The following MEGF11 variants were observed in gnomAD, a reference collection of about 807,000 sequenced individuals.
MEGF11 encodes the protein multiple EGF like domains 11.
In MEGF11, 126 loss-of-function variants were observed where a neutral mutation model predicts 146.6. The observed-to-expected ratio is 0.86, with a 90% CI of 0.74 to 1.00. The LOEUF is 1.00. Ranked by LOEUF, MEGF11 falls within the 50% of genes least tolerant of loss-of-function variation. The pLI, the probability that MEGF11 is intolerant of heterozygous loss-of-function variation, is 0.00. For missense variants in MEGF11, 1,509 were observed against 1,521.2 expected, an observed-to-expected ratio of 0.99 and a Z score of 0.13; for synonymous variants, 532 against 583.4, an observed-to-expected ratio of 0.91 and a Z score of 1.27.
At chr15:65,907,326 G>A (rs1040778745) in intron 23 of MEGF11, among the ~76,000 whole-genome samples, 4 of 151,398 alleles carry the variant, frequency 2.6e-5, no homozygotes, top group Admixed American at 2.0e-4. Context: ...ATGGAGTCTC[G>A]CTGTGTCACC....
intron 4 of MEGF11, among the ~76,000 whole-genome samples, chr15:66,096,423 G>A (rs923361003): frequency 3.3e-5 from 5 of 152,246 alleles, no homozygotes; most frequent in Admixed American, 2.0e-4. Flanking sequence ...TGGCCCCTTG[G>A]GCAGTGTGTG....
chr15:65,912,697 A>G (rs1016023552), intron 20 of MEGF11, among the ~76,000 whole-genome samples: 4 of 152,210 alleles, frequency 2.6e-5, no homozygotes, highest in African/African-American at 9.6e-5. Flanking sequence ...GTATAGTCAT[A>G]GAAGAAAATC....
At chr15:66,185,232 C>T (rs1237936200) in intron 1 of MEGF11, among the ~76,000 whole-genome samples, 2 of 152,146 alleles carry the variant, frequency 1.3e-5, no homozygotes, top group Non-Finnish European at 2.9e-5. Context: ...CTCCTCCCAC[C>T]CTGCACTGCC....
chr15:66,170,913 G>A (rs1056775766), intron 1 of MEGF11, among the ~76,000 whole-genome samples: 2 of 152,188 alleles, frequency 1.3e-5, no homozygotes, highest in Non-Finnish European at 2.9e-5. Flanking sequence ...GGCACCACTC[G>A]GAGGTCCAGC....
chr15:66,093,770 C>T (rs2086418450), intron 5 of MEGF11, among the ~76,000 whole-genome samples: 2 of 152,154 alleles, frequency 1.3e-5, no homozygotes, highest in African/African-American at 4.8e-5. Flanking sequence ...GCCAGCCCCA[C>T]AGTAGAGACA....
intron 3 of MEGF11, among the ~76,000 whole-genome samples, chr15:66,121,354 A>G (rs530676194): frequency 1.3e-5 from 2 of 152,190 alleles, no homozygotes; most frequent in African/African-American, 2.4e-5. Flanking sequence ...ATTTAGTCCC[A>G]CCTCCTCATT....
At chr15:66,210,032 C>T (rs895594219) in intron 1 of MEGF11, among the ~76,000 whole-genome samples, 1 of 152,058 alleles carries the variant, frequency 6.6e-6, no homozygotes, top group African/African-American at 2.4e-5. Context: ...CTCTATGTTG[C>T]CCAGGCTGGT....
chr15:65,967,111 C>T (rs540169146), intron 8 of MEGF11: 247 of 152,276 alleles, frequency 1.6e-3, no homozygotes, highest in African/African-American at 5.4e-3. Flanking sequence ...TAAAATGGGA[C>T]GATACTCACT....
chr15:66,174,117 A>G (rs1426269548), intron 1 of MEGF11, among the ~76,000 whole-genome samples: 1 of 152,224 alleles, frequency 6.6e-6, no homozygotes, highest in Non-Finnish European at 1.5e-5. Context: ...ATTATTTCAC[A>G]GGGATTGAGA....
At chr15:66,077,444 TG>T (rs1487511413) in intron 5 of MEGF11, among the ~76,000 whole-genome samples, 4 of 152,160 alleles carry the variant, frequency 2.6e-5, no homozygotes, top group Non-Finnish European at 5.9e-5. Flanking sequence ...TCCCCATAGG[TG>T]AGAAGCATTG....
chr15:66,033,690 G>A (rs1271203385), intron 5 of MEGF11, among the ~76,000 whole-genome samples: 1 of 152,210 alleles, frequency 6.6e-6, no homozygotes, highest in Non-Finnish European at 1.5e-5. Flanking sequence ...CCCCACACCA[G>A]TGTGTCCAGA....
chr15:66,203,961 G>C (rs545002260), intron 1 of MEGF11, among the ~76,000 whole-genome samples: 1 of 152,160 alleles, frequency 6.6e-6, no homozygotes, highest in Admixed American at 6.5e-5. Context: ...TGTTTCTGTG[G>C]GCCAGGTGTG....
chr15:65,981,248 G>A (rs2081628272), intron 6 of MEGF11, among the ~76,000 whole-genome samples: 1 of 152,222 alleles, frequency 6.6e-6, no homozygotes, highest in Non-Finnish European at 1.5e-5. Flanking sequence ...GGAAGGGCAT[G>A]CCAGGCCAAA....
At chr15:66,107,980 G>T (rs1231573460) in intron 4 of MEGF11, among the ~76,000 whole-genome samples, 1 of 152,208 alleles carries the variant, frequency 6.6e-6, no homozygotes, top group Non-Finnish European at 1.5e-5. Context: ...GTAGGGAGGT[G>T]TCGAGTGGGG....
At position 65,916,816 on chromosome 15, in the gene MEGF11, G is replaced by A. The variant is rs1447967146; in HGVS notation, c.2215+12C>T. 3.1e-6 allele frequency: 5 copies of A among 1,611,158 alleles called. No individual in the cohort carries two copies. The highest frequency in any genetic ancestry group is 4.2e-6 in the Non-Finnish European group (5 of 1,178,688). On this transcript the variant is annotated intron_variant, in intron 17 of 25. Transcript: ENST00000395614. The stretch of plus-strand genomic sequence containing the variant: ...ATTCTAAGTGGCTGGGAGGCCAGGA[G>A]GTGGGGCTTACGCTGTGTGCAGAAG...
At chr15:66,167,650 A>C (rs2090135484) in intron 1 of MEGF11, among the ~76,000 whole-genome samples, 2 of 139,104 alleles carry the variant, frequency 1.4e-5, no homozygotes, top group Non-Finnish European at 3.2e-5. Flanking sequence ...CGTCTCAAAC[A>C]AACAAACAAA....
chr15:66,110,082 C>T lies in MEGF11; in HGVS notation c.301+9004G>A, dbSNP rs115199695. On this transcript the variant is annotated intron_variant, in intron 4 of 25. Coordinates refer to ENST00000395614, the MANE Select transcript of MEGF11 (RefSeq NM_001385028.1). ...GGTACAGAGTACTTGTACCAACCAC[C>T]GTGTGGCTCCCAAACAGGCGGAGTT... Among the ~76,000 whole-genome samples, 676 of 152,224 alleles carry T rather than the reference C, an allele frequency of 4.4e-3. 4 individuals carry two copies. Among genetic ancestry groups the T allele is most frequent in the African/African-American group, 0.015 (626 of 41,530 alleles).
chr15:66,109,234 C>T (rs1478391124), intron 4 of MEGF11, among the ~76,000 whole-genome samples: 1 of 152,124 alleles, frequency 6.6e-6, no homozygotes, highest in Non-Finnish European at 1.5e-5. Context: ...CCTTTCACCA[C>T]CTTCACTGGT....
At chr15:65,984,177 T>G (rs1356856192) in intron 5 of MEGF11, among the ~76,000 whole-genome samples, 3 of 152,154 alleles carry the variant, frequency 2.0e-5, no homozygotes, top group South Asian at 4.1e-4. Flanking sequence ...GCTATTACAG[T>G]GAGTAAAGCA....
Sources: gnomAD v4.1 joint callset for allele counts (sites outside exome capture counted in the v4.1 genomes callset) on GRCh38, gnomAD v4.1.1 for gene constraint, MANE v1.5 for transcripts, NCBI Gene and HGNC (gene_info 2026-07-23, HGNC 2026-07-21) for gene names.